OSBPL10: variants seen among roughly 807,000 people sequenced by gnomAD.
OSBPL10 encodes the protein oxysterol binding protein like 10.
In OSBPL10, 49 loss-of-function variants were observed where a neutral mutation model predicts 81.7. The ratio of observed to expected loss-of-function variants is 0.60; its 90% confidence interval spans 0.48 to 0.76. The LOEUF (loss-of-function observed/expected upper bound fraction) is 0.76, where lower values mean the gene tolerates loss of function less well. Ranked by LOEUF, OSBPL10 falls within the 30% of genes least tolerant of loss-of-function variation. The pLI is 0.00. For missense variants in OSBPL10, 923 were observed against 987.8 expected, an observed-to-expected ratio of 0.93 and a Z score of 0.88; for synonymous variants, 419 against 383.6, an observed-to-expected ratio of 1.09 and a Z score of -1.08.
Position 31,676,816 on chromosome 3 carries a change from C to T in OSBPL10, c.1727-5833G>A, listed in dbSNP as rs1004845679. 3.9e-5 allele frequency among the ~76,000 whole-genome samples: 6 copies of T among 152,186 alleles called. No homozygotes were observed. The East Asian group carries it at 7.7e-4, about 20-fold the overall frequency. On this transcript the variant is annotated intron_variant, in intron 8 of 11. Coordinates refer to ENST00000396556, the MANE Select transcript of OSBPL10 (RefSeq NM_017784.5). ...AACGCCCCTCAGCTCCACAGCGGTG[C>T]GAGGTTGGGAGGGGTGAGCAGCCCA...
At chr3:31,849,123 C>T (rs927714746) in intron 3 of OSBPL10, among the ~76,000 whole-genome samples, 1 of 152,214 alleles carries the variant, frequency 6.6e-6, no homozygotes, top group Non-Finnish European at 1.5e-5. Context: ...TGCCAAGTCA[C>T]ATGTGAACAG....
intron 1 of OSBPL10, among the ~76,000 whole-genome samples, chr3:31,921,564 C>T (rs1696916140): frequency 6.6e-6 from 1 of 152,038 alleles, no homozygotes. Context: ...GGTCTATAAT[C>T]CAGAGTAAAA....
chr3:31,739,687 C>T (rs1302803081), intron 5 of OSBPL10, among the ~76,000 whole-genome samples: 2 of 152,026 alleles, frequency 1.3e-5, no homozygotes, highest in Non-Finnish European at 2.9e-5. Flanking sequence ...TGAAGAGAGC[C>T]CTCACCAGAA....
At chr3:31,824,634 G>T (rs1279931739) in intron 4 of OSBPL10, among the ~76,000 whole-genome samples, 1 of 152,144 alleles carries the variant, frequency 6.6e-6, no homozygotes, top group Non-Finnish European at 1.5e-5. Context: ...CATCTTTGTT[G>T]GTTTGGACGC....
chr3:31,998,436 A>G (rs1474633348), intron 2 of OSBPL10, among the ~76,000 whole-genome samples: 2 of 152,146 alleles, frequency 1.3e-5, no homozygotes, highest in Admixed American at 6.5e-5. Flanking sequence ...ATTTGAGCAG[A>G]TGGTTGTCCC....
intron 1 of OSBPL10, among the ~76,000 whole-genome samples, chr3:31,905,017 G>GA (rs1263372100): frequency 6.6e-6 from 1 of 152,198 alleles, no homozygotes. Context: ...TCGAGTAATA[G>GA]AAGTATCTAC....
At chr3:31,675,911 A>T (rs1700459568) in intron 8 of OSBPL10, among the ~76,000 whole-genome samples, 2 of 144,364 alleles carry the variant, frequency 1.4e-5, no homozygotes, top group African/African-American at 5.4e-5. Context: ...GCGCCACTGC[A>T]CTGCAGCCTG....
intron 3 of OSBPL10, among the ~76,000 whole-genome samples, chr3:31,833,700 C>T (rs1425224067): frequency 8.7e-6 from 1 of 114,664 alleles, no homozygotes; most frequent in African/African-American, 3.8e-5. Flanking sequence ...CACGCACACG[C>T]ACACGCACAC....
chr3:31,827,856 CA>C (rs1347707986), intron 4 of OSBPL10, among the ~76,000 whole-genome samples: 1 of 152,064 alleles, frequency 6.6e-6, no homozygotes, highest in Non-Finnish European at 1.5e-5. Context: ...TTTGTACACC[CA>C]TACACAAAAG....
rs528762172 is a variant in OSBPL10, at chr3:31,828,506, G to A, written c.729+1534C>T. 5.3e-5 allele frequency among the ~76,000 whole-genome samples: 8 copies of A among 152,068 alleles called. 1 individual carries two copies. The highest frequency in any genetic ancestry group is 6.3e-3 in the Middle Eastern group (2 of 316). On this transcript the variant is annotated intron_variant, in intron 4 of 11. Coordinates refer to ENST00000396556, the MANE Select transcript of OSBPL10 (RefSeq NM_017784.5). ...ACAATCATTCATCATATCAACTAAC[G>A]TAACACAATTAAGCTAATAGCTACT...
At chr3:31,879,896 A>C (rs1407294666) in intron 1 of OSBPL10, 66 bp from the exon 2 acceptor site, 1 of 1,480,936 alleles carries the variant, frequency 6.8e-7, no homozygotes, top group African/African-American at 1.4e-5. Context: ...AAAGCAGAAA[A>C]AAGCAAAGTG....
intron 7 of OSBPL10, 139 bp downstream of exon 7, chr3:31,702,220 C>A: frequency 4.8e-6 from 5 of 1,031,396 alleles, no homozygotes; most frequent in Non-Finnish European, 5.6e-6. Flanking sequence ...AATATCCATA[C>A]TTGAAAGCAA....
At chr3:31,688,140 C>T (rs1334229051) in intron 7 of OSBPL10, among the ~76,000 whole-genome samples, 2 of 151,834 alleles carry the variant, frequency 1.3e-5, no homozygotes, top group African/African-American at 4.8e-5. Flanking sequence ...TCCTGCCATA[C>T]CTCCAACTCT....
At chr3:31,920,037 C>A (rs1004177913) in intron 1 of OSBPL10, among the ~76,000 whole-genome samples, 1 of 152,124 alleles carries the variant, frequency 6.6e-6, no homozygotes, top group Non-Finnish European at 1.5e-5. Context: ...TCTGACTGGC[C>A]AGCCATTGTC....
chr3:31,935,956 A>T (rs1399465516), intron 1 of OSBPL10, among the ~76,000 whole-genome samples: 1 of 152,190 alleles, frequency 6.6e-6, no homozygotes, highest in Non-Finnish European at 1.5e-5. Context: ...TTTTTATGTA[A>T]AGTCACCATT....
chr3:31,989,946 T>C (rs751299299), intron 2 of OSBPL10: 2 of 1,614,152 alleles, frequency 1.2e-6, no homozygotes, highest in Non-Finnish European at 1.7e-6. Flanking sequence ...ACAAGTGTAA[T>C]GAATGTGGCA....
At chr3:31,976,968 C>T (rs768578442) in intron 1 of OSBPL10, among the ~76,000 whole-genome samples, 3 of 152,172 alleles carry the variant, frequency 2.0e-5, no homozygotes, top group Admixed American at 1.3e-4. Flanking sequence ...TCCTCAAATA[C>T]TTGATATTAT....
intron 10 of OSBPL10, among the ~76,000 whole-genome samples, chr3:31,667,261 G>A (rs892203933): frequency 6.6e-6 from 1 of 152,200 alleles, no homozygotes; most frequent in Non-Finnish European, 1.5e-5. Flanking sequence ...CCTTTCCCTT[G>A]TCCTGCTACT....
intron 4 of OSBPL10, among the ~76,000 whole-genome samples, chr3:31,759,577 A>G (rs1345432039): frequency 3.9e-5 from 6 of 152,198 alleles, no homozygotes; most frequent in Admixed American, 3.9e-4. Context: ...TTATGTATAT[A>G]TATGGCCAAC....
Sources: gnomAD v4.1 joint callset for allele counts (sites outside exome capture counted in the v4.1 genomes callset) on GRCh38, gnomAD v4.1.1 for gene constraint, MANE v1.5 for transcripts, NCBI Gene and HGNC (gene_info 2026-07-23, HGNC 2026-07-21) for gene names.